The following MGMT variants were observed in gnomAD, a reference collection of about 807,000 sequenced individuals.
MGMT encodes the protein O-6-methylguanine-DNA methyltransferase, also known as methylated-DNA--protein-cysteine methyltransferase.
In MGMT, 14 loss-of-function variants were observed where a neutral mutation model predicts 15.9. The observed-to-expected ratio is 0.88, with a 90% confidence interval of 0.58 to 1.37. The LOEUF is 1.37. MGMT is among the 40% of genes most tolerant of loss of function. MGMT has a pLI of 0.00. For synonymous variants in MGMT, 130 were observed against 118.2 expected, an observed-to-expected ratio of 1.10 and a Z score of -0.65; for missense variants, 282 against 268.1, an observed-to-expected ratio of 1.05 and a Z score of -0.36.
intron 2 of MGMT, among the ~76,000 whole-genome samples, chr10:129,591,504 G>A (rs771931293): frequency 2.6e-5 from 4 of 152,156 alleles, no homozygotes; most frequent in Non-Finnish European, 4.4e-5. Flanking sequence ...CCAAGACCTC[G>A]CGTGTCCAAG....
chr10:129,737,228 T>C (rs1012950178), intron 3 of MGMT, among the ~76,000 whole-genome samples: 2 of 152,366 alleles, frequency 1.3e-5, no homozygotes, highest in South Asian at 2.1e-4. Flanking sequence ...TTTCACATAG[T>C]CCCATATTTC....
chr10:129,530,129 G>A (rs1053861556), intron 1 of MGMT, among the ~76,000 whole-genome samples: 4 of 152,022 alleles, frequency 2.6e-5, no homozygotes, highest in Non-Finnish European at 4.4e-5. Context: ...TCTTGAACTC[G>A]TGGGCTGAAG....
intron 2 of MGMT, among the ~76,000 whole-genome samples, chr10:129,600,571 A>G (rs563162271): frequency 6.6e-6 from 1 of 152,294 alleles, no homozygotes; most frequent in Admixed American, 6.5e-5. Flanking sequence ...TGGTGAGCCT[A>G]TTTCTTTGCT....
chr10:129,755,168 A>T (rs920333049), intron 3 of MGMT, among the ~76,000 whole-genome samples: 1 of 152,236 alleles, frequency 6.6e-6, no homozygotes, highest in African/African-American at 2.4e-5. Context: ...TAGAAGAAAC[A>T]AGTATAGAGT....
intron 2 of MGMT, among the ~76,000 whole-genome samples, chr10:129,634,269 G>A (rs74160246): frequency 0.024 from 3,721 of 152,158 alleles, 167 homozygotes; most frequent in African/African-American, 0.086. Flanking sequence ...CTGGTAGGTT[G>A]TAAGGCCCCT....
intron 2 of MGMT, among the ~76,000 whole-genome samples, chr10:129,680,124 G>A (rs529394959): frequency 5.2e-4 from 79 of 152,282 alleles, no homozygotes; most frequent in Admixed American, 3.4e-3. Flanking sequence ...ATATCCTATC[G>A]ATTTGTGACA....
chr10:129,761,699 A>G (rs1176205078), intron 4 of MGMT, among the ~76,000 whole-genome samples: 1 of 152,194 alleles, frequency 6.6e-6, no homozygotes, highest in Non-Finnish European at 1.5e-5. Flanking sequence ...TGGCAAAGCC[A>G]AGACTGGAGG....
chr10:129,557,373 C>A (rs1191322223), intron 2 of MGMT, among the ~76,000 whole-genome samples: 1 of 152,170 alleles, frequency 6.6e-6, no homozygotes, highest in Non-Finnish European at 1.5e-5. Flanking sequence ...TTGTCTGCTT[C>A]TGCCCGAGAC....
At chr10:129,754,522 T>C (rs1040897768) in intron 3 of MGMT, among the ~76,000 whole-genome samples, 1 of 152,162 alleles carries the variant, frequency 6.6e-6, no homozygotes, top group African/African-American at 2.4e-5. Flanking sequence ...GGCTCAGAGA[T>C]AACACCAAAA....
intron 2 of MGMT, among the ~76,000 whole-genome samples, chr10:129,677,906 A>G (rs1482283240): frequency 6.6e-6 from 1 of 152,148 alleles, no homozygotes; most frequent in Non-Finnish European, 1.5e-5. Context: ...GTTGTTGGCC[A>G]TAAGAGGAGC....
At chr10:129,744,275 T>C (rs1021153533) in intron 3 of MGMT, among the ~76,000 whole-genome samples, 3 of 152,184 alleles carry the variant, frequency 2.0e-5, no homozygotes, top group African/African-American at 7.2e-5. Flanking sequence ...ACGGGGCTGC[T>C]GTGGGTGTGC....
At position 129,487,954 on chromosome 10, in the gene MGMT, AAC is replaced by A. The variant is rs151249427; in HGVS notation, c.-13+20664_-13+20665del. Among the ~76,000 whole-genome samples, 22 of 134,838 alleles carry A rather than the reference AAC, an allele frequency of 1.6e-4. No individual in the cohort carries two copies. In the South Asian group the frequency reaches 1.7e-3, roughly 11 times the overall value. The allele number at this position is 134,838 out of a possible 152,430, so 88.5% of individuals were successfully genotyped here. A position where few individuals can be genotyped will look rare whatever the true frequency, so the allele number is the denominator to read the frequency against. The stretch of plus-strand genomic sequence containing the variant: ...GTGTGTGTATATATATACACACACA[AAC>A]ACACATAGGTGTATACGCAGGTATA... On this transcript the variant is annotated intron_variant, in intron 1 of 4. Transcript: ENST00000651593.
intron 2 of MGMT, among the ~76,000 whole-genome samples, chr10:129,632,231 T>C (rs999304555): frequency 4.6e-5 from 7 of 152,244 alleles, no homozygotes; most frequent in Non-Finnish European, 1.0e-4. Context: ...CACCCTGTGA[T>C]TGGTTATTTA....
chr10:129,625,428 C>T (rs1409686043), intron 2 of MGMT, among the ~76,000 whole-genome samples: 5 of 152,118 alleles, frequency 3.3e-5, no homozygotes, highest in African/African-American at 4.8e-5. Context: ...AAATGGTAAC[C>T]ACAGACCAAT....
At chr10:129,503,107 A>ATTTT (rs762740639) in intron 1 of MGMT, among the ~76,000 whole-genome samples, 3 of 148,852 alleles carry the variant, frequency 2.0e-5, no homozygotes, top group Non-Finnish European at 4.5e-5. Context: ...CACTGCTTGG[A>ATTTT]TTTTTTTTTT....
chr10:129,501,107 A>C (rs1004273504), intron 1 of MGMT, among the ~76,000 whole-genome samples: 8 of 152,186 alleles, frequency 5.3e-5, no homozygotes, highest in African/African-American at 1.4e-4. Flanking sequence ...AATCCTTTGC[A>C]CACAGGTCCT....
intron 2 of MGMT, among the ~76,000 whole-genome samples, chr10:129,590,468 C>T (rs1244793683): frequency 6.6e-6 from 1 of 152,164 alleles, no homozygotes; most frequent in Non-Finnish European, 1.5e-5. Flanking sequence ...GCGAATTTCT[C>T]TCTATATTTT....
chr10:129,580,755 G>A (rs900194323), intron 2 of MGMT, among the ~76,000 whole-genome samples: 3 of 152,210 alleles, frequency 2.0e-5, no homozygotes, highest in Non-Finnish European at 4.4e-5. Flanking sequence ...GACCATGGAT[G>A]CCCCATAACC....
intron 1 of MGMT, among the ~76,000 whole-genome samples, chr10:129,497,190 C>T (rs1294371688): frequency 1.3e-5 from 2 of 152,190 alleles, no homozygotes; most frequent in South Asian, 2.1e-4. Flanking sequence ...AGCCACAGCT[C>T]GTACCACTCC....
Sources: gnomAD v4.1 joint callset for allele counts (sites outside exome capture counted in the v4.1 genomes callset) on GRCh38, gnomAD v4.1.1 for gene constraint, MANE v1.5 for transcripts, NCBI Gene and HGNC (gene_info 2026-07-23, HGNC 2026-07-21) for gene names.